Variants in DOK6 observed in about 807,000 individuals in gnomAD.
DOK6 encodes docking protein 6.
Under a neutral mutation model 44.0 loss-of-function variants are expected in DOK6, and 22 were observed. The ratio of observed to expected loss-of-function variants is 0.50; its 90% CI spans 0.36 to 0.71. The LOEUF is 0.71. Among genes scored for constraint, DOK6 ranks in the 30% least tolerant of loss-of-function variants. The pLI, the probability that DOK6 is intolerant of heterozygous loss-of-function variation, is 0.00. For synonymous variants in DOK6, 166 were observed against 145.5 expected, an observed-to-expected ratio of 1.14 and a Z score of -1.01; for missense variants, 340 against 416.4, an observed-to-expected ratio of 0.82 and a Z score of 1.60.
intron 3 of DOK6, among the ~76,000 whole-genome samples, chr18:69,601,677 A>C (rs560616065): frequency 6.6e-6 from 1 of 152,334 alleles, no homozygotes; most frequent in Non-Finnish European, 1.5e-5. Flanking sequence ...TTAAATTTTA[A>C]TTTAAAGGCC....
chr18:69,671,014 C>T (rs998007659), intron 3 of DOK6, among the ~76,000 whole-genome samples: 40 of 152,158 alleles, frequency 2.6e-4, no homozygotes, highest in African/African-American at 9.7e-4. Flanking sequence ...CACACATACA[C>T]ACACACTACA....
intron 1 of DOK6, among the ~76,000 whole-genome samples, chr18:69,540,035 CT>C (rs1982228081): frequency 5.5e-5 from 1 of 18,204 alleles, no homozygotes; most frequent in Admixed American, 8.6e-4. Flanking sequence ...GTTGGAGGAA[CT>C]GTCAAATGCT....
rs1978458391 is a variant in DOK6 at position 69,420,454 on chromosome 18, C to T, written c.66+19144C>T. Among the ~76,000 whole-genome samples, 3 of 151,880 alleles carry T rather than the reference C, an allele frequency of 2.0e-5. No individual in the cohort carries two copies. The South Asian group carries it at 6.2e-4, about 32-fold the overall frequency. ...TAACACAGCTATACTGTTCTGTGGG[C>T]AGGTCAGATATCATTTTCTCTTTAT... On this transcript the variant is annotated intron_variant, in intron 1 of 7. Coordinates refer to ENST00000382713, the MANE Select transcript of DOK6 (RefSeq NM_152721.6).
intron 3 of DOK6, among the ~76,000 whole-genome samples, chr18:69,647,713 G>A (rs1431146829): frequency 6.6e-6 from 1 of 152,114 alleles, no homozygotes; most frequent in Non-Finnish European, 1.5e-5. Flanking sequence ...AGAAATGAAA[G>A]GCACTAGAGA....
intron 1 of DOK6, among the ~76,000 whole-genome samples, chr18:69,415,130 G>A (rs1181148470): frequency 6.6e-6 from 1 of 152,010 alleles, no homozygotes; most frequent in African/African-American, 2.4e-5. Context: ...CCATTGAATG[G>A]TAGAATTGAT....
intron 7 of DOK6, among the ~76,000 whole-genome samples, chr18:69,793,606 A>T (rs1460411630): frequency 6.6e-6 from 1 of 152,166 alleles, no homozygotes; most frequent in African/African-American, 2.4e-5. Flanking sequence ...ACTCCTAGGG[A>T]TCTGAGGAAA....
chr18:69,641,449 T>A lies in DOK6; in HGVS notation c.290-36285T>A, dbSNP rs192006212. Among the ~76,000 whole-genome samples the A allele has an allele frequency of 7.9e-3, 1,199 of 152,306 alleles. 15 individuals carry two copies. Among genetic ancestry groups the A allele is most frequent in the Non-Finnish European group, 0.011 (737 of 68,018 alleles). On this transcript the variant is annotated intron_variant, in intron 3 of 7. Coordinates refer to ENST00000382713, the MANE Select transcript of DOK6 (RefSeq NM_152721.6). ...TGTTATTGGAAAAATTGGATAAAAA[T>A]TTAGACTCTGGAGCCACCCACAGAT...
At chr18:69,747,930 A>G (rs1225697566) in intron 6 of DOK6, among the ~76,000 whole-genome samples, 1 of 152,188 alleles carries the variant, frequency 6.6e-6, no homozygotes, top group African/African-American at 2.4e-5. Flanking sequence ...CAGCAGACAT[A>G]ATGTCACACC....
intron 1 of DOK6, among the ~76,000 whole-genome samples, chr18:69,558,892 T>C (rs1057143984): frequency 2.0e-4 from 31 of 152,112 alleles, no homozygotes; most frequent in African/African-American, 7.2e-4. Flanking sequence ...TGTACCATTG[T>C]TATATAGGAT....
At chr18:69,641,164 G>C (rs190669396) in intron 3 of DOK6, among the ~76,000 whole-genome samples, 3 of 151,370 alleles carry the variant, frequency 2.0e-5, no homozygotes, top group African/African-American at 7.3e-5. Context: ...GCAGTGAGCC[G>C]AGATCATGCT....
intron 1 of DOK6, among the ~76,000 whole-genome samples, chr18:69,549,103 A>C (rs1203861962): frequency 1.3e-5 from 2 of 150,784 alleles, no homozygotes; most frequent in Non-Finnish European, 3.0e-5. Context: ...CTCAAAAAAA[A>C]AAAAACAACA....
intron 5 of DOK6, among the ~76,000 whole-genome samples, chr18:69,719,396 T>A (rs1179080863): frequency 1.3e-5 from 2 of 152,154 alleles, no homozygotes; most frequent in Admixed American, 1.3e-4. Context: ...TAATGCAAAG[T>A]CTGAAAAATA....
At chr18:69,481,214 G>A (rs897589084) in intron 1 of DOK6, among the ~76,000 whole-genome samples, 3 of 151,628 alleles carry the variant, frequency 2.0e-5, no homozygotes, top group African/African-American at 7.3e-5. Flanking sequence ...TGTGTGATGG[G>A]GATTTTTTTT....
chr18:69,479,190 A>G (rs1249394710), intron 1 of DOK6, among the ~76,000 whole-genome samples: 1 of 152,142 alleles, frequency 6.6e-6, no homozygotes, highest in Non-Finnish European at 1.5e-5. Context: ...TATTTGCCAG[A>G]GGGAGGAGAG....
intron 1 of DOK6, among the ~76,000 whole-genome samples, chr18:69,495,448 C>T (rs1024875550): frequency 6.6e-6 from 1 of 152,170 alleles, no homozygotes; most frequent in South Asian, 2.1e-4. Flanking sequence ...GACAGAATAC[C>T]TCAGAGGAGG....
intron 3 of DOK6, among the ~76,000 whole-genome samples, chr18:69,605,268 G>C (rs1983969695): frequency 6.6e-6 from 1 of 152,070 alleles, no homozygotes; most frequent in Non-Finnish European, 1.5e-5. Flanking sequence ...GTATTAATAA[G>C]AGTAGGAAAT....
At chr18:69,471,655 G>A (rs1272872032) in intron 1 of DOK6, 1 of 151,624 alleles carries the variant, frequency 6.6e-6, no homozygotes, top group Non-Finnish European at 1.5e-5. Context: ...GGAGAAGAGA[G>A]AAAAGGATCA....
At chr18:69,420,371 T>A (rs1377756431) in intron 1 of DOK6, among the ~76,000 whole-genome samples, 2 of 152,196 alleles carry the variant, frequency 1.3e-5, no homozygotes, top group African/African-American at 4.8e-5. Flanking sequence ...TGAAATGTTC[T>A]ATTAGGAATC....
chr18:69,483,938 C>T (rs1038070248), intron 1 of DOK6, among the ~76,000 whole-genome samples: 1 of 151,938 alleles, frequency 6.6e-6, no homozygotes, highest in Non-Finnish European at 1.5e-5. Flanking sequence ...TGGGTTTGTT[C>T]GTTTGAATAA....
Sources: gnomAD v4.1 joint callset for allele counts (sites outside exome capture counted in the v4.1 genomes callset) on GRCh38, gnomAD v4.1.1 for gene constraint, MANE v1.5 for transcripts, NCBI Gene and HGNC (gene_info 2026-07-23, HGNC 2026-07-21) for gene names.